Variants in PARD3 observed in about 807,000 individuals in gnomAD.
The protein encoded by PARD3 is par-3 family cell polarity regulator.
PARD3 carries 75 observed loss-of-function variants against 155.4 expected under a neutral mutation model. The ratio of observed to expected loss-of-function variants is 0.48; its 90% CI spans 0.40 to 0.58. PARD3 has a LOEUF of 0.58. Ranked by LOEUF, PARD3 falls within the 20% of genes least tolerant of loss-of-function variation. The pLI, the probability that PARD3 is intolerant of heterozygous loss-of-function variation, is 0.00. For missense variants in PARD3, 1,642 were observed against 1,721.7 expected, an observed-to-expected ratio of 0.95 and a Z score of 0.82; for synonymous variants, 576 against 610.5, an observed-to-expected ratio of 0.94 and a Z score of 0.83.
At chr10:34,484,117 C>G (rs1377947797) in intron 3 of PARD3, among the ~76,000 whole-genome samples, 1 of 152,128 alleles carries the variant, frequency 6.6e-6, no homozygotes, top group African/African-American at 2.4e-5. Context: ...CCAAATAGCC[C>G]ATGAAAAGGA....
chr10:34,557,124 T>A (rs757982014), intron 2 of PARD3, among the ~76,000 whole-genome samples: 4 of 152,160 alleles, frequency 2.6e-5, no homozygotes, highest in Non-Finnish European at 5.9e-5. Flanking sequence ...CCAGATAATA[T>A]TGACTCCATG....
intron 2 of PARD3, among the ~76,000 whole-genome samples, chr10:34,585,186 T>C (rs2087892855): frequency 1.3e-5 from 2 of 152,172 alleles, no homozygotes; most frequent in Non-Finnish European, 2.9e-5. Context: ...ACACTTGACA[T>C]TTCTTTATCC....
intron 18 of PARD3, 88 bp downstream of exon 18, chr10:34,336,111 T>C: frequency 5.5e-6 from 5 of 912,558 alleles, no homozygotes; most frequent in Non-Finnish European, 9.1e-6. Context: ...TATGTATGTT[T>C]ACATGGCATA....
chr10:34,779,393 G>A (rs950659877), intron 1 of PARD3, among the ~76,000 whole-genome samples: 41 of 152,054 alleles, frequency 2.7e-4, no homozygotes, highest in South Asian at 4.2e-4. Flanking sequence ...AGCAGATCAC[G>A]ACATCAGGCG....
chr10:34,474,530 T>G (rs2078578027), intron 3 of PARD3, among the ~76,000 whole-genome samples: 1 of 152,184 alleles, frequency 6.6e-6, no homozygotes, highest in Non-Finnish European at 1.5e-5. Context: ...CAAAGTTTAG[T>G]AACAGTGTAC....
At chr10:34,805,192 C>T (rs1190482040) in intron 1 of PARD3, among the ~76,000 whole-genome samples, 1 of 152,026 alleles carries the variant, frequency 6.6e-6, no homozygotes, top group Non-Finnish European at 1.5e-5. Context: ...CCTGTCTGTA[C>T]TAAAAATACA....
At chr10:34,248,465 C>A (rs1011970786) in intron 22 of PARD3, among the ~76,000 whole-genome samples, 4 of 152,194 alleles carry the variant, frequency 2.6e-5, no homozygotes, top group African/African-American at 9.6e-5. Context: ...ATGGCAAGAA[C>A]ATATTCTCTA....
chr10:34,508,603 T>C (rs1349888777), intron 3 of PARD3, among the ~76,000 whole-genome samples: 2 of 152,170 alleles, frequency 1.3e-5, no homozygotes, highest in East Asian at 3.8e-4. Flanking sequence ...TTGGACTCAA[T>C]GATTTGCACC....
chr10:34,732,749 G>T (rs2094842278), intron 1 of PARD3, among the ~76,000 whole-genome samples: 1 of 152,186 alleles, frequency 6.6e-6, no homozygotes, highest in Non-Finnish European at 1.5e-5. Context: ...ATAGGTAAAT[G>T]AGTTAAAATT....
chr10:34,568,333 T>C (rs1157907112), intron 2 of PARD3, among the ~76,000 whole-genome samples: 1 of 152,238 alleles, frequency 6.6e-6, no homozygotes, highest in African/African-American at 2.4e-5. Flanking sequence ...ATGTTTCCAT[T>C]ATTGGCAAAT....
chr10:34,564,914 T>C (rs746264803), intron 2 of PARD3, among the ~76,000 whole-genome samples: 20 of 152,160 alleles, frequency 1.3e-4, no homozygotes, highest in Non-Finnish European at 2.4e-4. Context: ...ATAACAACTT[T>C]ACAATGTAGG....
chr10:34,432,071 A>AAAAAAAAAAAAAAAAAAT (rs2075960604), intron 5 of PARD3, among the ~76,000 whole-genome samples: 1 of 145,162 alleles, frequency 6.9e-6, no homozygotes. Context: ...AAAAAAAAAA[A>AAAAAAAAAAAAAAAAAAT]GAATGCAGAG....
In PARD3 at chr10:34,334,018, G is replaced by A. The variant is rs926094565; in HGVS notation, c.2605+2181C>T. ...TAATGAAAATTGAAAAAGTCTTTTT[G>A]TACATAAAATATATGGAAAAGATTT... is the stretch of plus-strand genomic sequence containing the variant. On this transcript the variant is annotated intron_variant, in intron 18 of 24. Coordinates refer to ENST00000374788, the MANE Select transcript of PARD3 (RefSeq NM_001184785.2). Among the ~76,000 whole-genome samples the A allele has an allele frequency of 5.9e-5, 9 of 151,842 alleles. No individual in the cohort carries two copies. In the South Asian group the frequency reaches 1.5e-3, roughly 25 times the overall value.
At chr10:34,345,417 G>A in intron 15 of PARD3, 1 of 985,258 alleles carries the variant, frequency 1.0e-6, no homozygotes. Context: ...AACTCCCTAA[G>A]GTAATCAGCC....
chr10:34,777,449 A>G (rs1839725591), intron 1 of PARD3, among the ~76,000 whole-genome samples: 1 of 152,156 alleles, frequency 6.6e-6, no homozygotes, highest in South Asian at 2.1e-4. Flanking sequence ...AACATTTTAT[A>G]CAACCTCTCT....
chr10:34,684,868 T>TACACACAC (rs780196425), intron 2 of PARD3, among the ~76,000 whole-genome samples: 22 of 60,412 alleles, frequency 3.6e-4, no homozygotes, highest in Admixed American at 8.4e-4. Context: ...TGTATATATA[T>TACACACAC]ACACACACAT....
intron 22 of PARD3, among the ~76,000 whole-genome samples, chr10:34,185,077 C>A (rs541881348): frequency 6.6e-6 from 1 of 152,178 alleles, no homozygotes; most frequent in Non-Finnish European, 1.5e-5. Flanking sequence ...GAGCCCCATC[C>A]CCTGGAATAA....
In PARD3 at chr10:34,600,259, C is replaced by T. The variant is rs1323943557; in HGVS notation, c.223-83100G>A. 2.0e-5 allele frequency among the ~76,000 whole-genome samples: 3 copies of T among 151,734 alleles called. 1 individual carries two copies. Among genetic ancestry groups the T allele is most frequent in the South Asian group, 4.2e-4 (2 of 4,794 alleles). ...TACTCAGGAGGTTAAGGTGAAGGAT[C>T]GCCTGAGTCTGGGAGATGGTGGTTG... On this transcript the variant is annotated intron_variant, in intron 2 of 24. Transcript: ENST00000374788.
chr10:34,809,369 A>C (rs578207879), intron 1 of PARD3, among the ~76,000 whole-genome samples: 3 of 152,276 alleles, frequency 2.0e-5, no homozygotes, highest in African/African-American at 7.2e-5. Flanking sequence ...GCGCACGGAT[A>C]CACTTGAAAA....
Sources: gnomAD v4.1 joint callset for allele counts (sites outside exome capture counted in the v4.1 genomes callset) on GRCh38, gnomAD v4.1.1 for gene constraint, MANE v1.5 for transcripts, NCBI Gene and HGNC (gene_info 2026-07-23, HGNC 2026-07-21) for gene names.